SORCS2: variants seen among roughly 807,000 people sequenced by gnomAD.
SORCS2 encodes sortilin related VPS10 domain containing receptor 2.
Under a neutral mutation model 141.6 loss-of-function variants are expected in SORCS2, and 100 were observed. The observed-to-expected ratio is 0.71, with a 90% CI of 0.60 to 0.83. The LOEUF (loss-of-function observed/expected upper bound fraction) is 0.83. Among genes scored for constraint, SORCS2 ranks in the 40% least tolerant of loss-of-function variants. SORCS2 has a pLI of 0.00. For missense variants in SORCS2, 1,646 were observed against 1,560.2 expected (o/e 1.05, Z -0.93); for synonymous variants, 789 against 676.9 (o/e 1.17, Z -2.57).
chr4:7,634,463 G>C, intron 3 of SORCS2, among the ~76,000 whole-genome samples: 1 of 151,880 alleles, frequency 6.6e-6, no homozygotes, highest in Non-Finnish European at 1.5e-5. Flanking sequence ...CCTGGGGCCA[G>C]AGCTGGAGCT....
intron 2 of SORCS2, among the ~76,000 whole-genome samples, chr4:7,460,509 G>A (rs1430756185): frequency 2.6e-5 from 4 of 152,210 alleles, no homozygotes; most frequent in Non-Finnish European, 5.9e-5. Flanking sequence ...AGCCCACCTT[G>A]CGCCATTGTG....
chr4:7,444,292 C>T (rs950296427), intron 2 of SORCS2, among the ~76,000 whole-genome samples: 3 of 152,156 alleles, frequency 2.0e-5, no homozygotes, highest in Non-Finnish European at 4.4e-5. Context: ...AATTAAACAA[C>T]ACATAATAAG....
intron 26 of SORCS2, among the ~76,000 whole-genome samples, chr4:7,737,842 G>A (rs1712321274): frequency 1.3e-5 from 2 of 152,200 alleles, no homozygotes; most frequent in African/African-American, 2.4e-5. Flanking sequence ...TCAATGGCTG[G>A]TGCAGCAGTC....
At chr4:7,592,343 G>A (rs1482255822) in intron 3 of SORCS2, among the ~76,000 whole-genome samples, 2 of 152,078 alleles carry the variant, frequency 1.3e-5, no homozygotes, top group Admixed American at 6.5e-5. Context: ...TACTCGCCCT[G>A]GTGACTGCAG....
chr4:7,350,229 G>A (rs1304391144), intron 1 of SORCS2, among the ~76,000 whole-genome samples: 1 of 152,202 alleles, frequency 6.6e-6, no homozygotes, highest in Non-Finnish European at 1.5e-5. Context: ...AACCAGGAAA[G>A]CACTCCCCAC....
chr4:7,513,544 G>T (rs1459276874), intron 2 of SORCS2, among the ~76,000 whole-genome samples: 1 of 152,230 alleles, frequency 6.6e-6, no homozygotes, highest in South Asian at 2.1e-4. Flanking sequence ...GTGCTGGGGA[G>T]CCAACAGAGA....
chr4:7,507,417 G>GC (rs1035862583), intron 2 of SORCS2, among the ~76,000 whole-genome samples: 13 of 152,248 alleles, frequency 8.5e-5, no homozygotes, highest in African/African-American at 2.6e-4. Context: ...TCCTGGGTCC[G>GC]CCCCCCTCGG....
chr4:7,408,181 A>G (rs1345711041), intron 2 of SORCS2, among the ~76,000 whole-genome samples: 1 of 151,688 alleles, frequency 6.6e-6, no homozygotes, highest in Non-Finnish European at 1.5e-5. Context: ...CTAAACCTTC[A>G]GGGTGTTTTT....
intron 1 of SORCS2, among the ~76,000 whole-genome samples, chr4:7,365,784 G>A (rs755531449): frequency 1.3e-5 from 2 of 152,182 alleles, no homozygotes; most frequent in Non-Finnish European, 2.9e-5. Flanking sequence ...AACAACACGT[G>A]TGTCATTTTG....
At chr4:7,331,837 C>T (rs546980060) in intron 1 of SORCS2, among the ~76,000 whole-genome samples, 11 of 152,220 alleles carry the variant, frequency 7.2e-5, no homozygotes, top group South Asian at 2.1e-4. Flanking sequence ...GGATGGCAGG[C>T]GCCCCAAGTG....
At chr4:7,635,596 C>T (rs1720190524) in intron 3 of SORCS2, among the ~76,000 whole-genome samples, 1 of 152,142 alleles carries the variant, frequency 6.6e-6, no homozygotes, top group Admixed American at 6.5e-5. Flanking sequence ...AGCGTACTTC[C>T]TTGTAATTTT....
intron 3 of SORCS2, among the ~76,000 whole-genome samples, chr4:7,624,287 G>T (rs533265786): frequency 3.3e-5 from 5 of 152,228 alleles, no homozygotes; most frequent in Admixed American, 3.3e-4. Context: ...CTTTCTTATT[G>T]GAGTCTATGA....
intron 3 of SORCS2, among the ~76,000 whole-genome samples, chr4:7,594,757 A>G (rs1717145774): frequency 6.6e-6 from 1 of 151,934 alleles, no homozygotes; most frequent in South Asian, 2.1e-4. Context: ...CTGGGTCTGG[A>G]CCACGCTTCC....
intron 12 of SORCS2, among the ~76,000 whole-genome samples, chr4:7,702,297 G>A (rs1442784918): frequency 6.6e-6 from 1 of 152,222 alleles, no homozygotes; most frequent in African/African-American, 2.4e-5. Context: ...CGAGGGCGAT[G>A]TGTTGGAGAT....
rs535677552 is a variant in SORCS2 at position 7,465,956 on chromosome 4, C to G, written c.549-65574C>G. 2.3e-3 allele frequency among the ~76,000 whole-genome samples: 343 copies of G among 152,274 alleles called. 1 individual carries two copies. Among genetic ancestry groups the G allele is most frequent in the African/African-American group, 7.6e-3 (315 of 41,558 alleles). On this transcript the variant is annotated intron_variant, in intron 2 of 26. Transcript: ENST00000507866. ...CAAGGATCCATGCAAGGCAGAAGGC[C>G]TGGGGCAGGGGCAGGGCCAGGGTGG...
At chr4:7,509,537 C>T (rs1732483985) in intron 2 of SORCS2, among the ~76,000 whole-genome samples, 1 of 152,196 alleles carries the variant, frequency 6.6e-6, no homozygotes, top group Non-Finnish European at 1.5e-5. Context: ...TCGCCACTCA[C>T]GGGAGGACTC....
At chr4:7,574,142 T>A (rs1050995708) in intron 3 of SORCS2, among the ~76,000 whole-genome samples, 1 of 152,258 alleles carries the variant, frequency 6.6e-6, no homozygotes, top group Admixed American at 6.5e-5. Flanking sequence ...TCTCAGTCAG[T>A]TCCCCCCAGA....
intron 4 of SORCS2, among the ~76,000 whole-genome samples, chr4:7,646,544 G>A (rs867601537): frequency 6.6e-6 from 1 of 152,120 alleles, no homozygotes; most frequent in Non-Finnish European, 1.5e-5. Context: ...CAGGAGGATC[G>A]ATTGAGCCCA....
chr4:7,612,975 G>A (rs377046650), intron 3 of SORCS2, among the ~76,000 whole-genome samples: 17 of 150,474 alleles, frequency 1.1e-4, no homozygotes, highest in African/African-American at 3.9e-4. Flanking sequence ...AGCAGGGACT[G>A]GCTCTCGGGC....
Sources: gnomAD v4.1 joint callset for allele counts (sites outside exome capture counted in the v4.1 genomes callset) on GRCh38, gnomAD v4.1.1 for gene constraint, MANE v1.5 for transcripts, NCBI Gene and HGNC (gene_info 2026-07-23, HGNC 2026-07-21) for gene names.